LHPP: variants seen among roughly 807,000 people sequenced by gnomAD.
LHPP encodes the protein phospholysine phosphohistidine inorganic pyrophosphate phosphatase.
LHPP carries 24 observed loss-of-function variants against 30.3 expected under a neutral mutation model. The ratio of observed to expected loss-of-function variants is 0.79; its 90% CI spans 0.57 to 1.11. The LOEUF is 1.11. Ranked by LOEUF, LHPP falls within the 50% of genes most tolerant of loss-of-function variation. The probability of loss-of-function intolerance (pLI) is 0.00; values close to 1 mark genes in which losing one functional copy is unlikely to be tolerated. For missense variants in LHPP, 356 were observed against 367.2 expected (o/e 0.97, Z 0.25); for synonymous variants, 150 against 157.1 (o/e 0.95, Z 0.34).
At chr10:124,577,082 T>C (rs1948673743) in intron 6 of LHPP, among the ~76,000 whole-genome samples, 1 of 152,226 alleles carries the variant, frequency 6.6e-6, no homozygotes, top group Non-Finnish European at 1.5e-5. Context: ...GTAGGTACCA[T>C]TGTCATCCTC....
intron 6 of LHPP, among the ~76,000 whole-genome samples, chr10:124,567,340 G>A (rs963815557): frequency 5.3e-5 from 8 of 152,336 alleles, no homozygotes; most frequent in Middle Eastern, 3.4e-3. Flanking sequence ...GTGCACGCCC[G>A]GGCCGACCAG....
chr10:124,600,824 G>T (rs1949011553), intron 6 of LHPP, among the ~76,000 whole-genome samples: 1 of 152,246 alleles, frequency 6.6e-6, no homozygotes, highest in Non-Finnish European at 1.5e-5. Flanking sequence ...GTCCCCAGTG[G>T]TCAGTAGGAA....
rs1178650266 is a variant in LHPP, at chr10:124,488,558, C to T, written c.450C>T (p.Leu150=). ...TCATGGAGCTGGAAAAACCTGTGCT[C>T]ATATCACTGGGAAAAGGGTAAGTTG... ...QVLMELEKPV[L]ISLGKGRYYK... Residue 150 remains leucine, a synonymous_variant, in exon 3 of 7, where the codon CTC becomes CTT. Coordinates refer to ENST00000368842, the MANE Select transcript of LHPP (RefSeq NM_022126.4). 7 of 1,611,676 alleles carry T rather than the reference C, an allele frequency of 4.3e-6. No individual in the cohort carries two copies. The highest frequency in any genetic ancestry group is 1.7e-5 in the Admixed American group (1 of 59,288).
intron 6 of LHPP, among the ~76,000 whole-genome samples, chr10:124,569,117 G>T (rs538725116): frequency 6.6e-6 from 1 of 152,190 alleles, no homozygotes; most frequent in East Asian, 1.9e-4. Flanking sequence ...CATGCACACT[G>T]CCTGGGTGGG....
chr10:124,467,955 T>C (rs1952607182), intron 1 of LHPP, among the ~76,000 whole-genome samples: 1 of 152,032 alleles, frequency 6.6e-6, no homozygotes, highest in South Asian at 2.1e-4. Context: ...AGTGATCCAC[T>C]CGCCTGGGCC....
At chr10:124,545,747 T>A (rs1164070211) in intron 6 of LHPP, among the ~76,000 whole-genome samples, 1 of 152,198 alleles carries the variant, frequency 6.6e-6, no homozygotes, top group Non-Finnish European at 1.5e-5. Context: ...GGTTTTTGAT[T>A]TTTTTAATCT....
intron 6 of LHPP, among the ~76,000 whole-genome samples, chr10:124,586,753 C>G (rs933513098): frequency 6.7e-6 from 1 of 149,324 alleles, no homozygotes; most frequent in Non-Finnish European, 1.5e-5. Flanking sequence ...CCTCTTTGTA[C>G]GATCAGTTTT....
intron 6 of LHPP, among the ~76,000 whole-genome samples, chr10:124,538,402 G>C (rs150400117): frequency 1.3e-5 from 2 of 152,314 alleles, no homozygotes; most frequent in East Asian, 3.9e-4. Flanking sequence ...TGTGAGGAAG[G>C]GAGGCTTTGA....
Position 124,525,061 on chromosome 10 carries a change from C to T in LHPP, c.716+7790C>T, listed in dbSNP as rs142606810. Among the ~76,000 whole-genome samples, 56 of 152,316 alleles carry T rather than the reference C, an allele frequency of 3.7e-4. No individual in the cohort carries two copies. The East Asian group carries it at 8.5e-3, about 23-fold the overall frequency. On this transcript the variant is annotated intron_variant, in intron 6 of 6. Transcript: ENST00000368842. ...CCCGCCTTGCCGTGGGCACAGTGGC[C>T]GCGGTGACTGGGCCTGCTTTCTTCT...
chr10:124,527,999 G>T (rs1402847743), intron 6 of LHPP, among the ~76,000 whole-genome samples: 1 of 152,054 alleles, frequency 6.6e-6, no homozygotes, highest in African/African-American at 2.4e-5. Context: ...AGCCTCCTGG[G>T]CTCAAGTGAT....
chr10:124,567,396 C>T (rs1321571886), intron 6 of LHPP, among the ~76,000 whole-genome samples: 7 of 152,256 alleles, frequency 4.6e-5, no homozygotes, highest in Admixed American at 1.3e-4. Context: ...GCCCTCCACG[C>T]GCCCCTGGCT....
chr10:124,526,260 C>T lies in LHPP; in HGVS notation c.716+8989C>T, dbSNP rs1056481044. On this transcript the variant is annotated intron_variant, in intron 6 of 6. Coordinates refer to ENST00000368842, the MANE Select transcript of LHPP (RefSeq NM_022126.4). ...TCCCCAGGAGCTGGAAGGGGGATAA[C>T]GCAGGTATGCCTCATGGCGGGGCCA... 127 of 984,480 alleles carry T rather than the reference C, an allele frequency of 1.3e-4. No homozygotes were observed. In the African/African-American group the frequency reaches 1.7e-3, roughly 14 times the overall value. 61.0% of individuals were successfully genotyped at this position (984,480 alleles called of 1,614,324 possible).
At chr10:124,492,619 C>CA (rs1288443449) in intron 3 of LHPP, among the ~76,000 whole-genome samples, 1 of 152,220 alleles carries the variant, frequency 6.6e-6, no homozygotes, top group African/African-American at 2.4e-5. Context: ...CATCCAAAAA[C>CA]ACCTTCACAG....
chr10:124,571,896 G>A (rs946918346), intron 6 of LHPP, among the ~76,000 whole-genome samples: 2 of 152,344 alleles, frequency 1.3e-5, no homozygotes, highest in Admixed American at 6.5e-5. Context: ...AAACAGGTGG[G>A]TTCAGGTGGG....
rs567723918 is a variant in LHPP at position 124,530,627 on chromosome 10, T to C, written c.716+13356T>C. On this transcript the variant is annotated intron_variant, in intron 6 of 6. Transcript: ENST00000368842. ...GCCTGCTCACACCCCACTCATTCCC[T>C]CCCAGATGCCGCACCACCCCCATGC... Among the ~76,000 whole-genome samples, 11 of 151,468 alleles carry C rather than the reference T, an allele frequency of 7.3e-5. No homozygotes were observed. The South Asian group carries it at 2.3e-3, about 32-fold the overall frequency.
chr10:124,538,464 G>A (rs1239228572), intron 6 of LHPP, among the ~76,000 whole-genome samples: 1 of 152,226 alleles, frequency 6.6e-6, no homozygotes, highest in East Asian at 1.9e-4. Context: ...GGAGCAGCAG[G>A]CTGTTTGTTC....
chr10:124,476,795 C>T (rs551220695), intron 1 of LHPP, among the ~76,000 whole-genome samples: 1 of 152,208 alleles, frequency 6.6e-6, no homozygotes, highest in Non-Finnish European at 1.5e-5. Flanking sequence ...AAATCAGCAC[C>T]TTGTGGGTTT....
At chr10:124,512,616 C>CAAAA (rs34808470) in intron 5 of LHPP, among the ~76,000 whole-genome samples, 7 of 54,156 alleles carry the variant, frequency 1.3e-4, no homozygotes, top group African/African-American at 3.0e-4. Context: ...GACTCCGTCT[C>CAAAA]AAAAAAAAAA....
chr10:124,474,028 A>C (rs531827594), intron 1 of LHPP, among the ~76,000 whole-genome samples: 2 of 151,672 alleles, frequency 1.3e-5, no homozygotes, highest in African/African-American at 4.8e-5. Flanking sequence ...ACCTTAAACT[A>C]TCAGGAGATA....
Sources: gnomAD v4.1 joint callset for allele counts (sites outside exome capture counted in the v4.1 genomes callset) on GRCh38, gnomAD v4.1.1 for gene constraint, MANE v1.5 for transcripts, NCBI Gene and HGNC (gene_info 2026-07-23, HGNC 2026-07-21) for gene names.